Variants in RYR3 observed in about 807,000 individuals in gnomAD.
The protein encoded by RYR3 is ryanodine receptor 3.
In RYR3, 207 loss-of-function variants were observed where a neutral mutation model predicts 584.3. The ratio of observed to expected loss-of-function variants is 0.35; its 90% confidence interval spans 0.32 to 0.40. The LOEUF is 0.40. Ranked by LOEUF, RYR3 falls within the 10% of genes least tolerant of loss-of-function variation. The probability of loss-of-function intolerance (pLI) is 1.00; values close to 1 mark genes in which losing one functional copy is unlikely to be tolerated. For synonymous variants in RYR3, 2,416 were observed against 2,248.5 expected, an observed-to-expected ratio of 1.07 and a Z score of -2.11; for missense variants, 5,616 against 6,089.2, an observed-to-expected ratio of 0.92 and a Z score of 2.59.
chr15:33,582,610 T>A (rs771757770), intron 14 of RYR3, among the ~76,000 whole-genome samples: 7 of 152,198 alleles, frequency 4.6e-5, no homozygotes, highest in Non-Finnish European at 8.8e-5. Flanking sequence ...GGTCAGTTAT[T>A]ATTATTACTG....
chr15:33,435,798 AGAGT>A (rs1292115658), intron 1 of RYR3, among the ~76,000 whole-genome samples: 1 of 152,128 alleles, frequency 6.6e-6, no homozygotes, highest in Non-Finnish European at 1.5e-5. Flanking sequence ...GTGGACCCAA[AGAGT>A]GAGCAGCAGC....
intron 19 of RYR3, among the ~76,000 whole-genome samples, chr15:33,619,083 T>A (rs2060592218): frequency 6.6e-6 from 1 of 152,216 alleles, no homozygotes; most frequent in South Asian, 2.1e-4. Context: ...AAGCTATTGC[T>A]CATCTATGAG....
At position 33,838,257 on chromosome 15, in the gene RYR3, A is replaced by G. The variant is rs1299455248; in HGVS notation, c.12277A>G (p.Ile4093Val). Reference sequence around the variant, plus strand: ...GTTTGTGAACTTCTGTGAGGACACCATCTTTGAAATGCAGTTAGCATCTCA... The same window carrying G: ...GTTTGTGAACTTCTGTGAGGACACCGTCTTTGAAATGCAGTTAGCATCTCA... The part of the protein sequence containing the change: ...ELFVNFCEDT[I>V]FEMQLASQIS... The change falls in exon 89 of 104, where the codon ATC (isoleucine) becomes GTC (valine). Residue 4093 changes from isoleucine (I) to valine (V), a missense_variant. This residue lies in a region of RYR3 where 258 missense variants were observed against 297.3 expected (regional missense o/e 0.87). Transcript: ENST00000634891. 30 of 1,613,938 alleles carry G rather than the reference A, an allele frequency of 1.9e-5. No individual in the cohort carries two copies. The East Asian group carries it at 3.8e-4, about 20-fold the overall frequency.
chr15:33,634,500 G>C, intron 24 of RYR3, 86 bp from the exon 25 acceptor site: 2 of 1,403,562 alleles, frequency 1.4e-6, no homozygotes, highest in Non-Finnish European at 2.0e-6. Flanking sequence ...AGAAAGCCAG[G>C]ACTGTTGCTG....
At chr15:33,527,502 CA>C (rs2054491960) in intron 3 of RYR3, among the ~76,000 whole-genome samples, 1 of 149,748 alleles carries the variant, frequency 6.7e-6, no homozygotes, top group Non-Finnish European at 1.5e-5. Flanking sequence ...GAGAATTGCT[CA>C]AACCTGGGAG....
intron 3 of RYR3, among the ~76,000 whole-genome samples, chr15:33,507,841 A>G (rs886194172): frequency 6.6e-6 from 1 of 152,106 alleles, no homozygotes; most frequent in Admixed American, 6.5e-5. Flanking sequence ...GATGCAATCT[A>G]TCTCGTAGGA....
At chr15:33,815,738 A>C (rs1315761694) in intron 74 of RYR3, 1 of 395,192 alleles carries the variant, frequency 2.5e-6, no homozygotes, top group African/African-American at 2.1e-5. Context: ...AACCGCACAG[A>C]ATCTCCCAAA....
At chr15:33,796,296 G>A (rs752230272) in intron 67 of RYR3, among the ~76,000 whole-genome samples, 4 of 152,106 alleles carry the variant, frequency 2.6e-5, no homozygotes, top group South Asian at 2.1e-4. Context: ...CACTACGCCC[G>A]GCTAATTTTG....
At chr15:33,751,255 TG>T (rs1297735769) in intron 57 of RYR3, among the ~76,000 whole-genome samples, 1 of 152,248 alleles carries the variant, frequency 6.6e-6, no homozygotes, top group Non-Finnish European at 1.5e-5. Flanking sequence ...TACCCAGTAA[TG>T]GGATTGCTGG....
chr15:33,408,091 G>C (rs1049409071), intron 1 of RYR3, among the ~76,000 whole-genome samples: 1 of 151,936 alleles, frequency 6.6e-6, no homozygotes, highest in Admixed American at 6.6e-5. Context: ...GCATGATGCT[G>C]AGGTTGGGGC....
chr15:33,765,564 C>T (rs1046475370), intron 60 of RYR3, among the ~76,000 whole-genome samples: 1 of 132,098 alleles, frequency 7.6e-6, no homozygotes, highest in Non-Finnish European at 1.5e-5. Flanking sequence ...ACCCAGGAGG[C>T]GGAGGTTGCA....
intron 1 of RYR3, among the ~76,000 whole-genome samples, chr15:33,318,215 G>A (rs1490232828): frequency 6.6e-6 from 1 of 152,196 alleles, no homozygotes; most frequent in East Asian, 1.9e-4. Flanking sequence ...AGTTGAGTTT[G>A]TAAGTGGTTT....
chr15:33,426,693 G>A (rs2044681125), intron 1 of RYR3, among the ~76,000 whole-genome samples: 1 of 152,216 alleles, frequency 6.6e-6, no homozygotes, highest in Non-Finnish European at 1.5e-5. Context: ...GCAGAACCAG[G>A]ATTGGAATCT....
At chr15:33,601,058 C>G (rs1567635410) in intron 16 of RYR3, among the ~76,000 whole-genome samples, 1 of 152,116 alleles carries the variant, frequency 6.6e-6, no homozygotes, top group Non-Finnish European at 1.5e-5. Flanking sequence ...TGCCTCGCCA[C>G]ACCTTAGTCC....
intron 2 of RYR3, among the ~76,000 whole-genome samples, chr15:33,497,905 C>T (rs2051585151): frequency 6.6e-6 from 1 of 152,162 alleles, no homozygotes; most frequent in South Asian, 2.1e-4. Context: ...CCATTCTACT[C>T]TCTCTACATC....
At chr15:33,714,138 T>G (rs77554686) in intron 43 of RYR3, among the ~76,000 whole-genome samples, 4,561 of 152,236 alleles carry the variant, frequency 0.03, 146 homozygotes, top group Non-Finnish European at 0.036. Flanking sequence ...GGCCACAGTT[T>G]ATGAACCATT....
At chr15:33,771,146 C>T (rs1420005343) in intron 62 of RYR3, among the ~76,000 whole-genome samples, 2 of 152,220 alleles carry the variant, frequency 1.3e-5, no homozygotes, top group East Asian at 1.9e-4. Flanking sequence ...CGCAAACTAA[C>T]AGAAATCTAA....
rs376260563 is a variant in RYR3, at chr15:33,511,761, T to C, written c.279+8023T>C. Among the ~76,000 whole-genome samples, 17 of 152,314 alleles carry C rather than the reference T, an allele frequency of 1.1e-4. No individual in the cohort carries two copies. The East Asian group carries it at 2.3e-3, about 21-fold the overall frequency. ...ACTCATTTTTTATTTCTTCAAAACA[T>C]TGCAAGTTGTTTTCTTTTTAATTTT... On this transcript the variant is annotated intron_variant, in intron 3 of 103. Coordinates refer to ENST00000634891, the MANE Select transcript of RYR3 (RefSeq NM_001036.6).
intron 25 of RYR3, among the ~76,000 whole-genome samples, chr15:33,635,283 T>C (rs1160959214): frequency 6.6e-6 from 1 of 152,206 alleles, no homozygotes; most frequent in Non-Finnish European, 1.5e-5. Context: ...GGCTCTGTGA[T>C]GTTGAATAAA....
Sources: gnomAD v4.1 joint callset for allele counts (sites outside exome capture counted in the v4.1 genomes callset) on GRCh38, gnomAD v4.1.1 for gene constraint, gnomAD v4.1.1 regional missense constraint, MANE v1.5 for transcripts, NCBI Gene and HGNC (gene_info 2026-07-23, HGNC 2026-07-21) for gene names.